FOXN3: variants seen among roughly 807,000 people sequenced by gnomAD.
FOXN3 encodes forkhead box N3.
FOXN3 carries 7 observed loss-of-function variants against 38.4 expected under a neutral mutation model. That is an observed-to-expected ratio of 0.18 (90% confidence interval 0.10 to 0.34). The LOEUF (loss-of-function observed/expected upper bound fraction) is 0.34, where lower values mean the gene tolerates loss of function less well. Ranked by LOEUF, FOXN3 falls within the 10% of genes least tolerant of loss-of-function variation. The pLI, the probability that FOXN3 is intolerant of heterozygous loss-of-function variation, is 1.00. For synonymous variants in FOXN3, 230 were observed against 242.2 expected, an observed-to-expected ratio of 0.95 and a Z score of 0.47; for missense variants, 456 against 613.4, an observed-to-expected ratio of 0.74 and a Z score of 2.71.
chr14:89,310,762 C>A (rs1375854758), intron 3 of FOXN3, among the ~76,000 whole-genome samples: 1 of 152,084 alleles, frequency 6.6e-6, no homozygotes, highest in Non-Finnish European at 1.5e-5. Context: ...GGCCTATCAG[C>A]ATTCTACACT....
rs1566966426 is a variant in FOXN3, at chr14:89,360,762, ACCACTACCACCTCCACCACCACCT to A, written c.544-9978_544-9955del. Among the ~76,000 whole-genome samples, 237 of 60,798 alleles carry A rather than the reference ACCACTACCACCTCCACCACCACCT, an allele frequency of 3.9e-3. 2 individuals carry two copies. Among genetic ancestry groups the A allele is most frequent in the African/African-American group, 0.012 (125 of 10,598 alleles). The allele number at this position is 60,798 out of a possible 152,430, so 39.9% of individuals were successfully genotyped here. ...CAGCACCACCTCCACCACCACCTCC[ACCACTACCACCTCCACCACCACCT>A]CCACCACCACCACCTCCAGCACCAC... On this transcript the variant is annotated intron_variant, in intron 2 of 5. Coordinates refer to ENST00000557258, the MANE Select transcript of FOXN3 (RefSeq NM_005197.4).
At chr14:89,571,773 C>T (rs957357668) in intron 1 of FOXN3, among the ~76,000 whole-genome samples, 4 of 152,098 alleles carry the variant, frequency 2.6e-5, no homozygotes, top group Non-Finnish European at 4.4e-5. Flanking sequence ...AGTTTGCCTA[C>T]CCATAAAATA....
intron 2 of FOXN3, among the ~76,000 whole-genome samples, chr14:89,400,413 T>A (rs896449053): frequency 6.6e-6 from 1 of 152,208 alleles, no homozygotes; most frequent in African/African-American, 2.4e-5. Flanking sequence ...GAAACTCATA[T>A]AGGAAACTTC....
At chr14:89,574,478 G>T (rs1434242095) in intron 1 of FOXN3, among the ~76,000 whole-genome samples, 4 of 152,126 alleles carry the variant, frequency 2.6e-5, no homozygotes, top group African/African-American at 9.7e-5. Flanking sequence ...GTGGGTGCCT[G>T]CAATCGCCTT....
At chr14:89,505,861 G>T (rs969379944) in intron 1 of FOXN3, among the ~76,000 whole-genome samples, 13 of 150,462 alleles carry the variant, frequency 8.6e-5, no homozygotes, top group Non-Finnish European at 1.3e-4. Context: ...CATCATCTGA[G>T]ATGTGGGGAG....
At chr14:89,598,849 G>A (rs189546491) in intron 1 of FOXN3, among the ~76,000 whole-genome samples, 6 of 152,030 alleles carry the variant, frequency 3.9e-5, no homozygotes, top group East Asian at 3.9e-4. Context: ...TGTTGTTCTC[G>A]TTAGCTTTGT....
intron 4 of FOXN3, among the ~76,000 whole-genome samples, chr14:89,189,400 A>G (rs1002650278): frequency 3.3e-5 from 5 of 152,220 alleles, no homozygotes; most frequent in African/African-American, 4.8e-5. Context: ...AGAAGGAGAT[A>G]GGTGAGTGCC....
At chr14:89,254,228 C>T (rs1313600290) in intron 4 of FOXN3, among the ~76,000 whole-genome samples, 4 of 152,208 alleles carry the variant, frequency 2.6e-5, no homozygotes, top group East Asian at 1.9e-4. Flanking sequence ...AGAGGCTCTG[C>T]GCATAGTAGA....
At chr14:89,577,707 G>A (rs1051994433) in intron 1 of FOXN3, among the ~76,000 whole-genome samples, 7 of 152,088 alleles carry the variant, frequency 4.6e-5, no homozygotes, top group Non-Finnish European at 8.8e-5. Context: ...TGCCTGCTTC[G>A]GACCCGGGGA....
intron 3 of FOXN3, among the ~76,000 whole-genome samples, chr14:89,289,897 C>T (rs183013793): frequency 1.3e-5 from 2 of 152,298 alleles, no homozygotes; most frequent in African/African-American, 4.8e-5. Context: ...AAAATTGAAT[C>T]ATGCAGTATT....
intron 4 of FOXN3, among the ~76,000 whole-genome samples, chr14:89,238,205 T>C (rs1288650883): frequency 1.3e-5 from 2 of 152,186 alleles, no homozygotes; most frequent in African/African-American, 4.8e-5. Flanking sequence ...GTGGTCTAGG[T>C]TGCTGGAACC....
rs531804368 is a variant in FOXN3 at position 89,180,248 on chromosome 14, G to T, written c.851+453C>A. 3.9e-5 allele frequency among the ~76,000 whole-genome samples: 6 copies of T among 152,172 alleles called. No individual in the cohort carries two copies. The East Asian group carries it at 9.6e-4, about 24-fold the overall frequency. ...ATTTATAGACCACGTACCAAAGCTCGCCTCACATCTGATTTTGCATTTGAT... is the reference window on the plus strand; with the variant it reads ...ATTTATAGACCACGTACCAAAGCTCTCCTCACATCTGATTTTGCATTTGAT... On this transcript the variant is annotated intron_variant, in intron 5 of 5. Transcript: ENST00000557258.
intron 2 of FOXN3, among the ~76,000 whole-genome samples, chr14:89,354,680 C>T (rs568208185): frequency 4.6e-5 from 7 of 151,118 alleles, no homozygotes; most frequent in Non-Finnish European, 8.9e-5. Flanking sequence ...CATGGTGAAA[C>T]CCCATCTCTA....
At chr14:89,267,105 G>T (rs1886006161) in intron 4 of FOXN3, among the ~76,000 whole-genome samples, 1 of 152,182 alleles carries the variant, frequency 6.6e-6, no homozygotes, top group South Asian at 2.1e-4. Context: ...AAGACAGGGA[G>T]ATGAAAGAAA....
chr14:89,565,794 A>G (rs961286339), intron 1 of FOXN3, among the ~76,000 whole-genome samples: 5 of 152,248 alleles, frequency 3.3e-5, no homozygotes, highest in African/African-American at 1.2e-4. Flanking sequence ...TAATCATTCC[A>G]TCTTCACGTC....
At position 89,312,284 on chromosome 14, in the gene FOXN3, CA is replaced by C. The variant is rs59949946; in HGVS notation, c.681-31271del. On this transcript the variant is annotated intron_variant, in intron 3 of 5. Coordinates refer to ENST00000557258, the MANE Select transcript of FOXN3 (RefSeq NM_005197.4). ...TGGGTGACAGAGCAAGACTCGGTCT[CA>C]AAAAAAAAAAAAAAAAGAAGCCAAG... is the stretch of plus-strand genomic sequence containing the variant. 5.4e-4 allele frequency among the ~76,000 whole-genome samples: 33 copies of C among 60,596 alleles called. 1 individual carries two copies. Among genetic ancestry groups the C allele is most frequent in the Admixed American group, 1.6e-3 (8 of 5,016 alleles). The allele number at this position is 60,596 out of a possible 152,430, so 39.8% of individuals were successfully genotyped here. A position where few individuals can be genotyped will look rare whatever the true frequency, so the allele number is the denominator to read the frequency against.
At chr14:89,446,037 G>A (rs376674946) in intron 1 of FOXN3, among the ~76,000 whole-genome samples, 1 of 126,628 alleles carries the variant, frequency 7.9e-6, no homozygotes, top group Admixed American at 1.0e-4. Context: ...GCAGTGAGCT[G>A]TGATTATACC....
At chr14:89,290,713 G>C (rs1886842886) in intron 3 of FOXN3, 2 of 374,786 alleles carry the variant, frequency 5.3e-6, no homozygotes, top group African/African-American at 4.3e-5. Flanking sequence ...CTTCTGTGGG[G>C]AGACGTACTT....
At chr14:89,604,206 A>AAC (rs58288291) in intron 1 of FOXN3, among the ~76,000 whole-genome samples, 4,028 of 146,768 alleles carry the variant, frequency 0.027, 66 homozygotes, top group South Asian at 0.053. Flanking sequence ...AGCAAAACAA[A>AAC]ACACACACAC....
Sources: allele counts gnomAD v4.1 joint callset (sites outside exome capture counted in the v4.1 genomes callset), GRCh38; gene constraint gnomAD v4.1.1; transcripts MANE v1.5; gene names NCBI Gene and HGNC (gene_info 2026-07-23, HGNC 2026-07-21).